The following MAML3 variants were observed in gnomAD, a reference collection of about 807,000 sequenced individuals.
The protein encoded by MAML3 is mastermind like transcriptional coactivator 3.
In MAML3, 27 loss-of-function variants were observed where a neutral mutation model predicts 101.9. That is an observed-to-expected ratio of 0.27 (90% confidence interval 0.20 to 0.37). The LOEUF (loss-of-function observed/expected upper bound fraction) is 0.37, where lower values mean the gene tolerates loss of function less well. Among genes scored for constraint, MAML3 ranks in the 10% least tolerant of loss-of-function variants. The probability of loss-of-function intolerance (pLI) is 1.00; values close to 1 mark genes in which losing one functional copy is unlikely to be tolerated. For missense variants in MAML3, 1,316 were observed against 1,444.9 expected (o/e 0.91, Z 1.45); for synonymous variants, 501 against 555.9 (o/e 0.90, Z 1.39).
At position 140,153,221 on chromosome 4, in the gene MAML3, G is replaced by T; in HGVS notation, c.107C>A (p.Thr36Asn). ...LGGAGIGVNN[T>N]PNSTPAAPSS... ...CGGAGCAGCGGGAGTACTATTGGGA[G>T]TATTATTCACACCGATCCCGGCCCC... Residue 36 changes from threonine to asparagine, a missense_variant, in exon 1 of 5, where the codon ACT (threonine) becomes AAT (asparagine). Thr to Asn is a moderately conservative substitution (Grantham distance 65). Transcript: ENST00000509479. The T allele has an allele frequency of 6.4e-7, 1 of 1,571,684 alleles. No homozygotes were observed.
chr4:139,912,632 G>A (rs1732945361), intron 1 of MAML3, among the ~76,000 whole-genome samples: 1 of 152,176 alleles, frequency 6.6e-6, no homozygotes, highest in South Asian at 2.1e-4. Context: ...CAACACAGCT[G>A]GTATCATCTT....
chr4:139,800,590 C>T (rs1449142621), intron 2 of MAML3, among the ~76,000 whole-genome samples: 3 of 152,192 alleles, frequency 2.0e-5, no homozygotes, highest in African/African-American at 2.4e-5. Context: ...TCAGCTGCTG[C>T]TCAGACTTTA....
intron 1 of MAML3, among the ~76,000 whole-genome samples, chr4:140,142,195 A>T (rs1728988797): frequency 6.6e-6 from 1 of 152,210 alleles, no homozygotes; most frequent in East Asian, 1.9e-4. Flanking sequence ...ACAAGTATAC[A>T]TAATATGATT....
At chr4:139,745,978 A>G (rs1034154615) in intron 2 of MAML3, among the ~76,000 whole-genome samples, 3 of 152,238 alleles carry the variant, frequency 2.0e-5, no homozygotes, top group Non-Finnish European at 4.4e-5. Flanking sequence ...TTCTCCTGCT[A>G]CTAAATGTTT....
chr4:139,731,064 CTTA>C, intron 2 of MAML3: 1 of 188,104 alleles, frequency 5.3e-6, no homozygotes, highest in Non-Finnish European at 1.1e-5. Flanking sequence ...ATCCTTATTT[CTTA>C]CTGTCTACTT....
chr4:140,058,266 G>A (rs1727386352), intron 1 of MAML3, among the ~76,000 whole-genome samples: 2 of 97,726 alleles, frequency 2.0e-5, no homozygotes, highest in African/African-American at 5.1e-5. Flanking sequence ...CAAGCTCAGA[G>A]TACTTTTTTT....
At chr4:140,017,086 A>C (rs1031667385) in intron 1 of MAML3, among the ~76,000 whole-genome samples, 2 of 152,232 alleles carry the variant, frequency 1.3e-5, no homozygotes, top group Non-Finnish European at 2.9e-5. Flanking sequence ...GACTATATAA[A>C]GAATTCTCAA....
At chr4:139,730,023 A>G (rs753346536) in intron 3 of MAML3, among the ~76,000 whole-genome samples, 31 of 152,192 alleles carry the variant, frequency 2.0e-4, no homozygotes, top group African/African-American at 7.5e-4. Flanking sequence ...TAAGAAACAG[A>G]GTTCTCTGAA....
chr4:140,029,988 T>A (rs1726882439), intron 1 of MAML3, among the ~76,000 whole-genome samples: 1 of 152,138 alleles, frequency 6.6e-6, no homozygotes, highest in African/African-American at 2.4e-5. Context: ...ACATCCACAC[T>A]ATTTTCATTT....
chr4:139,816,679 A>C (rs151050942), intron 2 of MAML3, among the ~76,000 whole-genome samples: 61 of 152,206 alleles, frequency 4.0e-4, no homozygotes, highest in Non-Finnish European at 7.8e-4. Context: ...AATCCAGTTC[A>C]ATTTAATAGA....
chr4:140,151,144 C>A (rs1175966998), intron 1 of MAML3, among the ~76,000 whole-genome samples: 2 of 152,036 alleles, frequency 1.3e-5, no homozygotes, highest in Non-Finnish European at 2.9e-5. Context: ...CTCCCTCCCC[C>A]ACGGCCACGT....
intron 2 of MAML3, among the ~76,000 whole-genome samples, chr4:139,786,263 A>G (rs1047592400): frequency 2.6e-5 from 4 of 151,978 alleles, no homozygotes; most frequent in Non-Finnish European, 5.9e-5. Flanking sequence ...TAAGTTACTC[A>G]GGCTGTGGGA....
At chr4:140,116,221 A>G (rs537899543) in intron 1 of MAML3, among the ~76,000 whole-genome samples, 1 of 152,170 alleles carries the variant, frequency 6.6e-6, no homozygotes, top group Non-Finnish European at 1.5e-5. Flanking sequence ...CAATACCACA[A>G]ATTATTAACA....
At chr4:139,814,396 A>G (rs1043371578) in intron 2 of MAML3, among the ~76,000 whole-genome samples, 8 of 152,178 alleles carry the variant, frequency 5.3e-5, no homozygotes, top group Non-Finnish European at 1.0e-4. Flanking sequence ...GATACTGACT[A>G]AAAAACAAAA....
chr4:140,149,992 G>A (rs894182759), intron 1 of MAML3, among the ~76,000 whole-genome samples: 2 of 138,632 alleles, frequency 1.4e-5, no homozygotes, highest in African/African-American at 5.4e-5. Context: ...CTGCTTAAGA[G>A]TTAAGGCTTA....
chr4:140,101,587 C>A (rs572689088), intron 1 of MAML3, among the ~76,000 whole-genome samples: 1 of 152,174 alleles, frequency 6.6e-6, no homozygotes, highest in African/African-American at 2.4e-5. Context: ...CTTTTACCAT[C>A]CACATCTCTT....
intron 2 of MAML3, among the ~76,000 whole-genome samples, chr4:139,760,339 A>G (rs1346234114): frequency 1.3e-5 from 2 of 152,228 alleles, no homozygotes; most frequent in African/African-American, 4.8e-5. Context: ...GAAACCAGCT[A>G]CACAAGTTCA....
Position 139,730,513 on chromosome 4 carries a change from T to C in MAML3, c.2234A>G (p.Asp745Gly). ...QAAIMKQMLI[D>G]QRAQLIEQQK... is the part of the protein sequence containing the mutation. Reference sequence around the variant, plus strand: ...CTGCTCTATCAACTGGGCCCGCTGATCAATGAGCATCTGCTTCATGATGGC... The same window carrying C: ...CTGCTCTATCAACTGGGCCCGCTGACCAATGAGCATCTGCTTCATGATGGC... Residue 745 changes from aspartate to glycine, a missense_variant, in exon 3 of 5, where the codon GAT becomes GGT. Coordinates refer to ENST00000509479, the MANE Select transcript of MAML3 (RefSeq NM_018717.5). 1 of 1,559,544 alleles carries C rather than the reference T, an allele frequency of 6.4e-7. No individual in the cohort carries two copies. Among genetic ancestry groups the C allele is most frequent in the African/African-American group, 1.4e-5 (1 of 73,584 alleles).
chr4:139,722,725 A>G (rs546805279), intron 4 of MAML3, among the ~76,000 whole-genome samples: 1 of 152,332 alleles, frequency 6.6e-6, no homozygotes, highest in African/African-American at 2.4e-5. Context: ...AGTCATTAAG[A>G]CCTTTGAAAT....
Sources: gnomAD v4.1 joint callset for allele counts (sites outside exome capture counted in the v4.1 genomes callset) on GRCh38, gnomAD v4.1.1 for gene constraint, MANE v1.5 for transcripts, NCBI Gene and HGNC (gene_info 2026-07-23, HGNC 2026-07-21) for gene names.